Variants in FBXL17 observed in about 807,000 individuals in gnomAD.
The protein encoded by FBXL17 is F-box and leucine rich repeat protein 17.
FBXL17 carries 22 observed loss-of-function variants against 66.2 expected under a neutral mutation model. The ratio of observed to expected loss-of-function variants is 0.33; its 90% CI spans 0.24 to 0.47. FBXL17 has a LOEUF of 0.47. FBXL17 is among the 20% of genes least tolerant of loss of function. The pLI, the probability that FBXL17 is intolerant of heterozygous loss-of-function variation, is 1.00. For synonymous variants in FBXL17, 474 were observed against 400.5 expected, an observed-to-expected ratio of 1.18 and a Z score of -2.19; for missense variants, 878 against 948.2, an observed-to-expected ratio of 0.93 and a Z score of 0.97.
chr5:107,875,547 G>A (rs1039670929), intron 8 of FBXL17, among the ~76,000 whole-genome samples: 1 of 152,164 alleles, frequency 6.6e-6, no homozygotes, highest in Non-Finnish European at 1.5e-5. Context: ...ATTTTCAGGT[G>A]GTAAAGCAGA....
intron 6 of FBXL17, among the ~76,000 whole-genome samples, chr5:108,065,174 G>T (rs1478766586): frequency 1.3e-5 from 2 of 151,970 alleles, no homozygotes. Flanking sequence ...ATGTATATGG[G>T]TATGATATGT....
At chr5:108,248,838 T>C (rs774613908) in intron 4 of FBXL17, among the ~76,000 whole-genome samples, 5 of 152,038 alleles carry the variant, frequency 3.3e-5, no homozygotes, top group South Asian at 2.1e-4. Flanking sequence ...CAGAGTTCTA[T>C]ATCCAGAAAA....
intron 6 of FBXL17, among the ~76,000 whole-genome samples, chr5:108,058,232 C>T (rs144633980): frequency 3.9e-5 from 6 of 152,262 alleles, no homozygotes; most frequent in Non-Finnish European, 7.4e-5. Context: ...AACAGAGGTT[C>T]GGTTTGATAG....
chr5:108,351,240 T>C (rs944158063), intron 3 of FBXL17, among the ~76,000 whole-genome samples: 8 of 152,112 alleles, frequency 5.3e-5, no homozygotes, highest in East Asian at 1.9e-4. Context: ...AAAATTATAA[T>C]AGAATTATGT....
At chr5:108,238,097 CT>C (rs1178915536) in intron 4 of FBXL17, among the ~76,000 whole-genome samples, 1 of 152,142 alleles carries the variant, frequency 6.6e-6, no homozygotes, top group African/African-American at 2.4e-5. Flanking sequence ...ACCAGGAAGC[CT>C]TCTTATTTGA....
intron 7 of FBXL17, among the ~76,000 whole-genome samples, chr5:107,948,610 G>C (rs1751391390): frequency 6.6e-6 from 1 of 152,162 alleles, no homozygotes; most frequent in Admixed American, 6.5e-5. Context: ...AAACCTGGCT[G>C]TGCCACTCCC....
chr5:107,908,829 C>T (rs1484635362), intron 7 of FBXL17, among the ~76,000 whole-genome samples: 1 of 152,096 alleles, frequency 6.6e-6, no homozygotes, highest in Non-Finnish European at 1.5e-5. Context: ...CTTCTGAGGA[C>T]AGTGTTAAAT....
chr5:108,247,845 G>A (rs748767320), intron 4 of FBXL17, among the ~76,000 whole-genome samples: 125 of 152,196 alleles, frequency 8.2e-4, no homozygotes, highest in Non-Finnish European at 1.4e-3. Context: ...TCAAGTCAAC[G>A]CTTCCAGTTC....
intron 4 of FBXL17, among the ~76,000 whole-genome samples, chr5:108,281,171 C>T (rs1757688174): frequency 6.6e-6 from 1 of 151,826 alleles, no homozygotes; most frequent in Non-Finnish European, 1.5e-5. Flanking sequence ...CCAAATGGAC[C>T]TAACAGAATT....
intron 4 of FBXL17, among the ~76,000 whole-genome samples, chr5:108,312,827 C>G (rs898763159): frequency 3.3e-5 from 5 of 152,002 alleles, no homozygotes; most frequent in African/African-American, 1.2e-4. Flanking sequence ...TACTCCAATA[C>G]CGATAATTTC....
chr5:108,365,229 A>G (rs1748589272), intron 2 of FBXL17, among the ~76,000 whole-genome samples: 1 of 152,038 alleles, frequency 6.6e-6, no homozygotes, highest in Non-Finnish European at 1.5e-5. Context: ...AACTCTTGGA[A>G]TTTCCTAAGC....
chr5:107,922,000 C>A (rs1018822038), intron 7 of FBXL17, among the ~76,000 whole-genome samples: 1 of 152,088 alleles, frequency 6.6e-6, no homozygotes, highest in Non-Finnish European at 1.5e-5. Context: ...ATGATGCCTG[C>A]TGCTGGCTTC....
At chr5:108,139,343 A>G (rs142358470) in intron 6 of FBXL17, among the ~76,000 whole-genome samples, 2 of 152,360 alleles carry the variant, frequency 1.3e-5, no homozygotes, top group Non-Finnish European at 2.9e-5. Flanking sequence ...CTATTGTCAT[A>G]TACAAATCTG....
At chr5:108,247,625 T>C (rs1267624867) in intron 4 of FBXL17, among the ~76,000 whole-genome samples, 1 of 152,206 alleles carries the variant, frequency 6.6e-6, no homozygotes, top group Non-Finnish European at 1.5e-5. Flanking sequence ...TATAAATAAG[T>C]CTTTAAAATT....
At chr5:108,116,453 C>A (rs1175510173) in intron 6 of FBXL17, among the ~76,000 whole-genome samples, 6 of 148,006 alleles carry the variant, frequency 4.1e-5, no homozygotes, top group Middle Eastern at 3.4e-3. Flanking sequence ...TCCTGGCCAA[C>A]ATGGTGAAAC....
chr5:108,267,834 G>A (rs896287117), intron 4 of FBXL17, among the ~76,000 whole-genome samples: 5 of 152,036 alleles, frequency 3.3e-5, no homozygotes, highest in African/African-American at 7.2e-5. Flanking sequence ...CCTCCTTGGG[G>A]AAGTGACATT....
At chr5:108,207,483 C>A (rs1195371892) in intron 5 of FBXL17, among the ~76,000 whole-genome samples, 1 of 152,122 alleles carries the variant, frequency 6.6e-6, no homozygotes, top group African/African-American at 2.4e-5. Flanking sequence ...TTCCCTAGCA[C>A]CCCAGCCCCC....
rs536986833 is a variant in FBXL17, at chr5:107,879,678, G to T, written c.1965+1359C>A. 3.0e-6 allele frequency: 3 copies of T among 985,466 alleles called. No individual in the cohort carries two copies. The South Asian group carries it at 1.4e-4, about 46-fold the overall frequency. 61.0% of individuals were successfully genotyped at this position (985,466 alleles called of 1,614,324 possible). On this transcript the variant is annotated intron_variant, in intron 8 of 8. Transcript: ENST00000542267. ...GCCCCCACATTTGCTACATTTAGAA[G>T]ATGCATGCCCTTTGAATGGCGTGTC...
At chr5:108,205,850 C>T (rs2150054281) in intron 5 of FBXL17, among the ~76,000 whole-genome samples, 1 of 152,198 alleles carries the variant, frequency 6.6e-6, no homozygotes, top group East Asian at 1.9e-4. Context: ...AATTCTTGTG[C>T]CTCAGCCTTC....
Sources: allele counts gnomAD v4.1 joint callset (sites outside exome capture counted in the v4.1 genomes callset), GRCh38; gene constraint gnomAD v4.1.1; transcripts MANE v1.5; gene names NCBI Gene and HGNC (gene_info 2026-07-23, HGNC 2026-07-21).